Variants in ATP9A observed in about 807,000 individuals in gnomAD.
The protein encoded by ATP9A is ATPase phospholipid transporting 9A.
A neutral mutation model predicts 144.1 loss-of-function variants in ATP9A; 52 were observed. That is an observed-to-expected ratio of 0.36 (90% confidence interval 0.29 to 0.45). The LOEUF is 0.45. Among genes scored for constraint, ATP9A ranks in the 20% least tolerant of loss-of-function variants. The pLI is 1.00. For synonymous variants in ATP9A, 582 were observed against 557.4 expected, an observed-to-expected ratio of 1.04 and a Z score of -0.62; for missense variants, 947 against 1,392.7, an observed-to-expected ratio of 0.68 and a Z score of 5.09.
rs770845700 is a variant in ATP9A at position 51,644,430 on chromosome 20, ATT to A, written c.1507-4928_1507-4927del. ...TGGTGCCCGCCACCACACCCGGCTA[ATT>A]TTTTTTTTTTTTGTATTTTTAGTAG... On this transcript the variant is annotated intron_variant, in intron 14 of 27. Transcript: ENST00000338821. Among the ~76,000 whole-genome samples, 468 of 142,482 alleles carry A rather than the reference ATT, an allele frequency of 3.3e-3. 13 individuals are homozygous for A. The highest frequency in any genetic ancestry group is 0.031 in the Admixed American group (445 of 14,236). 93.5% of individuals were successfully genotyped at this position (142,482 alleles called of 152,430 possible).
intron 15 of ATP9A, 73 bp downstream of exon 15, chr20:51,639,270 G>A: frequency 6.9e-7 from 1 of 1,447,330 alleles, no homozygotes; most frequent in Non-Finnish European, 9.4e-7. Flanking sequence ...TAGAAAGAAT[G>A]TCAACCCACA....
chr20:51,684,753 G>A (rs1266962438), intron 9 of ATP9A, among the ~76,000 whole-genome samples: 1 of 150,616 alleles, frequency 6.6e-6, no homozygotes, highest in Admixed American at 6.6e-5. Flanking sequence ...GCTCACGCCT[G>A]TAATCCCAGC....
chr20:51,744,033 T>C (rs2122893027), intron 1 of ATP9A, among the ~76,000 whole-genome samples: 1 of 152,068 alleles, frequency 6.6e-6, no homozygotes, highest in Non-Finnish European at 1.5e-5. Flanking sequence ...TTTTTCCAGA[T>C]GAAAAAGGAA....
chr20:51,691,864 A>G lies in ATP9A; in HGVS notation c.643-1045T>C, dbSNP rs1482524942. Among the ~76,000 whole-genome samples, 3 of 152,258 alleles carry G rather than the reference A, an allele frequency of 2.0e-5. No individual in the cohort carries two copies. The East Asian group carries it at 5.8e-4, about 29-fold the overall frequency. ...AACTCAAACAAGCATCAGTGGATGA[A>G]TGGATAAACAAAGTGTGGTCTGTCC... On this transcript the variant is annotated intron_variant, in intron 7 of 27. Coordinates refer to ENST00000338821, the MANE Select transcript of ATP9A (RefSeq NM_006045.3).
chr20:51,710,797 A>C (rs1047398457), intron 4 of ATP9A, among the ~76,000 whole-genome samples: 1 of 152,202 alleles, frequency 6.6e-6, no homozygotes, highest in African/African-American at 2.4e-5. Context: ...AAGTTGAAGC[A>C]AGAGCTGGGA....
intron 9 of ATP9A, among the ~76,000 whole-genome samples, chr20:51,680,517 C>T (rs1445660956): frequency 6.6e-6 from 1 of 152,196 alleles, no homozygotes; most frequent in Admixed American, 6.5e-5. Flanking sequence ...TGTGCTGCCT[C>T]AGCCTTGCAG....
rs144778262 is a variant in ATP9A, at chr20:51,599,149, A to T, written c.*2062T>A. 3 of 152,202 alleles carry T rather than the reference A, an allele frequency of 2.0e-5. No homozygotes were observed. The highest frequency in any genetic ancestry group is 4.4e-5 in the Non-Finnish European group (3 of 68,048). The allele number at this position is 152,202 out of a possible 1,614,324, so 9.4% of individuals were successfully genotyped here. On this transcript the variant is annotated 3_prime_UTR_variant, in exon 28 of 28. Coordinates refer to ENST00000338821, the MANE Select transcript of ATP9A (RefSeq NM_006045.3). Reference sequence around the variant, plus strand: ...TAAAACTTTCTGACGAGGCTCCCACACGCCCTGCCTGCAGGAGCCAGCATC... The same window carrying T: ...TAAAACTTTCTGACGAGGCTCCCACTCGCCCTGCCTGCAGGAGCCAGCATC...
At chr20:51,718,375 G>C (rs543366971) in intron 3 of ATP9A, among the ~76,000 whole-genome samples, 2 of 150,462 alleles carry the variant, frequency 1.3e-5, no homozygotes, top group South Asian at 2.1e-4. Flanking sequence ...TGTGTGTGTG[G>C]GGGGGGGTTG....
chr20:51,698,880 GC>G (rs1348334021), intron 4 of ATP9A, among the ~76,000 whole-genome samples: 1 of 152,182 alleles, frequency 6.6e-6, no homozygotes, highest in Non-Finnish European at 1.5e-5. Flanking sequence ...GCCAGTTGGG[GC>G]CAGGTGGCCC....
intron 15 of ATP9A, among the ~76,000 whole-genome samples, chr20:51,636,754 C>A (rs1053776705): frequency 2.0e-5 from 3 of 150,866 alleles, no homozygotes; most frequent in Non-Finnish European, 2.9e-5. Context: ...ACCTACCTCA[C>A]ATGGTTATGT....
intron 8 of ATP9A, among the ~76,000 whole-genome samples, chr20:51,689,687 G>C (rs1382119612): frequency 6.6e-6 from 1 of 151,728 alleles, no homozygotes; most frequent in East Asian, 2.0e-4. Context: ...CTCCCAAAAT[G>C]CTGGGATTAC....
chr20:51,666,690 AAAAAAGAAAGAAAG>A (rs2077434517), intron 13 of ATP9A, among the ~76,000 whole-genome samples: 1 of 151,684 alleles, frequency 6.6e-6, no homozygotes, highest in African/African-American at 2.4e-5. Flanking sequence ...AAAAAAAAAA[AAAAAAGAAAGAAAG>A]AAAAAGAAGA....
At chr20:51,708,223 G>A (rs867196487) in intron 4 of ATP9A, among the ~76,000 whole-genome samples, 4 of 151,798 alleles carry the variant, frequency 2.6e-5, no homozygotes, top group Middle Eastern at 6.8e-3. Context: ...AGGGTGAGGC[G>A]GGTGCCATCA....
At chr20:51,608,682 C>T in intron 24 of ATP9A, 56 bp from the exon 25 acceptor site, 2 of 1,124,400 alleles carry the variant, frequency 1.8e-6, no homozygotes, top group South Asian at 2.5e-5. Context: ...GAGCTATGTG[C>T]TGTGCCAGCC....
In ATP9A at chr20:51,608,056, A is replaced by AAAAAAGAAT. The variant is rs1198561483; in HGVS notation, c.2745+461_2745+462insATTCTTTTT. On this transcript the variant is annotated intron_variant, in intron 25 of 27. Coordinates refer to ENST00000338821, the MANE Select transcript of ATP9A (RefSeq NM_006045.3). ...GAGAATTAGTCTCAAAAAAAAAAAA[A>AAAAAAGAAT]AAAAGAATTAACATTAAAATTAACA... 8.6e-4 allele frequency among the ~76,000 whole-genome samples: 130 copies of AAAAAAGAAT among 151,934 alleles called. No homozygotes were observed. The Middle Eastern group carries it at 0.014, about 16-fold the overall frequency.
chr20:51,742,601 G>A (rs1206507249), intron 1 of ATP9A, among the ~76,000 whole-genome samples: 5 of 151,854 alleles, frequency 3.3e-5, no homozygotes, highest in African/African-American at 7.3e-5. Flanking sequence ...TGCAACCTCC[G>A]CCTCCTGGGT....
intron 16 of ATP9A, among the ~76,000 whole-genome samples, chr20:51,628,029 T>C (rs1298469365): frequency 2.0e-5 from 3 of 152,150 alleles, no homozygotes; most frequent in Non-Finnish European, 4.4e-5. Flanking sequence ...TTTTCCCAAA[T>C]AACCACAATC....
In ATP9A at chr20:51,619,054, A is replaced by G. The variant is rs776206449; in HGVS notation, c.2116-11T>C. 176 of 1,609,118 alleles carry G rather than the reference A, an allele frequency of 1.1e-4. 1 individual carries two copies. The Admixed American group carries it at 2.9e-3, about 26-fold the overall frequency. On this transcript the variant is annotated splice_polypyrimidine_tract_variant and intron_variant, in intron 19 of 27. Transcript: ENST00000338821. ...CCCGCGGTTGGTCACCTGGAAGGGA[A>G]CAGAGATGGGGAAGGAGGCATTGCT... is the stretch of plus-strand genomic sequence containing the variant.
chr20:51,704,145 A>G (rs931000121), intron 4 of ATP9A, among the ~76,000 whole-genome samples: 5 of 150,642 alleles, frequency 3.3e-5, no homozygotes, highest in African/African-American at 1.2e-4. Flanking sequence ...AATAATCACT[A>G]CCACTTCCTG....
Sources: allele counts gnomAD v4.1 joint callset (sites outside exome capture counted in the v4.1 genomes callset), GRCh38; gene constraint gnomAD v4.1.1; transcripts MANE v1.5; gene names NCBI Gene and HGNC (gene_info 2026-07-23, HGNC 2026-07-21).